ANO1: variants seen among roughly 807,000 people sequenced by gnomAD.
ANO1 encodes anoctamin-1.
In ANO1, 59 loss-of-function variants were observed where a neutral mutation model predicts 124.0. The ratio of observed to expected loss-of-function variants is 0.48; its 90% confidence interval spans 0.39 to 0.59. The LOEUF (loss-of-function observed/expected upper bound fraction) is 0.59, where lower values mean the gene tolerates loss of function less well. Ranked by LOEUF, ANO1 falls within the 20% of genes least tolerant of loss-of-function variation. The pLI is 0.00. For missense variants in ANO1, 1,059 were observed against 1,328.0 expected (o/e 0.80, Z 3.15); for synonymous variants, 529 against 532.0 (o/e 0.99, Z 0.08).
chr11:70,100,841 T>G (rs2045238455), intron 2 of ANO1, among the ~76,000 whole-genome samples: 1 of 152,190 alleles, frequency 6.6e-6, no homozygotes, highest in South Asian at 2.1e-4. Flanking sequence ...ACTATTACTA[T>G]TACTGTATTA....
chr11:70,167,221 G>C, intron 20 of ANO1, 21 bp from the exon 21 acceptor site: 1 of 1,613,374 alleles, frequency 6.2e-7, no homozygotes, highest in South Asian at 1.1e-5. Context: ...AAACCTAACT[G>C]CATGATGTCT....
At chr11:70,126,845 G>A (rs2046535282) in intron 10 of ANO1, among the ~76,000 whole-genome samples, 1 of 149,162 alleles carries the variant, frequency 6.7e-6, no homozygotes, top group Non-Finnish European at 1.5e-5. Flanking sequence ...GGTGAGACGT[G>A]AACGCTAGAG....
At chr11:69,982,049 C>T (rs1357742919), upstream of ANO1, among the ~76,000 whole-genome samples, 2 of 152,150 alleles carry the variant, frequency 1.3e-5, no homozygotes, top group African/African-American at 4.8e-5. Context: ...TGGGGAGTGA[C>T]TGCTAGCGGG....
chr11:69,988,132 T>G (rs1856084794), intron 1 of ANO1, among the ~76,000 whole-genome samples: 1 of 152,180 alleles, frequency 6.6e-6, no homozygotes, highest in Non-Finnish European at 1.5e-5. Flanking sequence ...CACGCCACTT[T>G]CGCTCTGTCC....
chr11:70,115,191 G>C (rs1226254443), intron 7 of ANO1, among the ~76,000 whole-genome samples: 1 of 152,076 alleles, frequency 6.6e-6, no homozygotes, highest in African/African-American at 2.4e-5. Context: ...TTGCTTGCTT[G>C]AGTGTGTGGT....
chr11:70,082,498 T>C (rs767251074), intron 1 of ANO1, among the ~76,000 whole-genome samples: 16 of 152,220 alleles, frequency 1.1e-4, no homozygotes, highest in Admixed American at 4.6e-4. Context: ...AGGTGGAGGT[T>C]GCAGTGAGCC....
At chr11:70,133,183 T>C (rs961531839) in intron 11 of ANO1, among the ~76,000 whole-genome samples, 9 of 152,154 alleles carry the variant, frequency 5.9e-5, no homozygotes, top group Admixed American at 1.3e-4. Context: ...AAATGTGGAC[T>C]GAAAAGGCAA....
In ANO1 at chr11:70,188,575, C is replaced by T. The variant is rs1311302956; in HGVS notation, c.*571C>T. ...AGTGGCTGAGAGAGAAGTGCCTCAT[C>T]CCTGAGCCACACAGGGGGCGTGGGA... On this transcript the variant is annotated 3_prime_UTR_variant, in exon 26 of 26. Transcript: ENST00000355303. 1 of 154,186 alleles carries T rather than the reference C, an allele frequency of 6.5e-6. No homozygotes were observed. Among genetic ancestry groups the T allele is most frequent in the African/African-American group, 2.4e-5 (1 of 41,444 alleles). The allele number at this position is 154,186 out of a possible 1,614,324, so 9.6% of individuals were successfully genotyped here.
chr11:70,109,838 C>T (rs970245176), intron 6 of ANO1, among the ~76,000 whole-genome samples: 4 of 152,140 alleles, frequency 2.6e-5, no homozygotes, highest in African/African-American at 4.8e-5. Flanking sequence ...GTGTTCCCAC[C>T]GGTTTTGTGG....
chr11:70,085,292 C>T lies in ANO1; in HGVS notation c.109-2460C>T, dbSNP rs541922223. Reference sequence around the variant, plus strand: ...GGGCTGGGCATGGGAACCCACTGCCCTCAAAAGCCAGCCCTCCCCCACCCT... The same window carrying T: ...GGGCTGGGCATGGGAACCCACTGCCTTCAAAAGCCAGCCCTCCCCCACCCT... On this transcript the variant is annotated intron_variant, in intron 1 of 25. Transcript: ENST00000355303. The T allele has an allele frequency of 2.0e-4, 259 of 1,289,624 alleles. 2 individuals carry two copies. In the East Asian group the frequency reaches 6.6e-3, roughly 33 times the overall value. 79.9% of individuals were successfully genotyped at this position (1,289,624 alleles called of 1,614,324 possible). A position where few individuals can be genotyped will look rare whatever the true frequency, so the allele number is the denominator to read the frequency against.
chr11:70,045,134 AAAGAAAATGTGGCAAAGCATCAAC>A (rs574038968), intron 1 of ANO1, among the ~76,000 whole-genome samples: 61 of 152,370 alleles, frequency 4.0e-4, no homozygotes, highest in African/African-American at 1.3e-3. Context: ...ACAAACTGAT[AAAGAAAATGTGGCAAAGCATCAAC>A]AGCTAGTGAA....
Position 70,085,723 on chromosome 11 carries a change from C to G in ANO1, c.109-2029C>G, listed in dbSNP as rs887763250. 1.0e-5 allele frequency: 15 copies of G among 1,431,714 alleles called. No individual in the cohort carries two copies. In the South Asian group the frequency reaches 2.1e-4, roughly 20 times the overall value. 88.7% of individuals were successfully genotyped at this position (1,431,714 alleles called of 1,614,324 possible). A position where few individuals can be genotyped will look rare whatever the true frequency, so the allele number is the denominator to read the frequency against. On this transcript the variant is annotated intron_variant, in intron 1 of 25. Transcript: ENST00000355303. ...GGCCCAGAGCCTCCTCTCTCCTTCC[C>G]CTACAACTAAAAAGGACAGCCTCCA...
chr11:70,114,173 C>T (rs2045891956), intron 7 of ANO1, among the ~76,000 whole-genome samples: 1 of 152,226 alleles, frequency 6.6e-6, no homozygotes, highest in Admixed American at 6.5e-5. Context: ...GGGTCTGTTC[C>T]CACCTTAAAG....
chr11:70,148,785 G>C (rs2047476582), intron 11 of ANO1, among the ~76,000 whole-genome samples: 1 of 152,196 alleles, frequency 6.6e-6, no homozygotes, highest in Non-Finnish European at 1.5e-5. Flanking sequence ...CTGGGAACTG[G>C]GGGCCCAGGG....
At chr11:70,082,834 C>T (rs571650268) in intron 1 of ANO1, among the ~76,000 whole-genome samples, 2 of 152,332 alleles carry the variant, frequency 1.3e-5, no homozygotes, top group Admixed American at 6.5e-5. Context: ...GCATTCACCT[C>T]CCGACTCTCT....
intron 24 of ANO1, among the ~76,000 whole-genome samples, chr11:70,184,561 C>G (rs2049037380): frequency 6.6e-6 from 1 of 152,190 alleles, no homozygotes; most frequent in Admixed American, 6.5e-5. Flanking sequence ...GACCAAGCAG[C>G]AACCCTGGAG....
At chr11:70,031,347 T>C (rs1305956064) in intron 1 of ANO1, among the ~76,000 whole-genome samples, 1 of 152,190 alleles carries the variant, frequency 6.6e-6, no homozygotes, top group African/African-American at 2.4e-5. Flanking sequence ...GGGTGAGACA[T>C]TTGAAACATT....
intron 1 of ANO1, among the ~76,000 whole-genome samples, chr11:70,045,361 G>T (rs1285771820): frequency 2.0e-5 from 3 of 152,170 alleles, no homozygotes; most frequent in Admixed American, 6.5e-5. Flanking sequence ...AAACTGCCAT[G>T]ATGCCCTAGA....
At chr11:70,067,950 C>T (rs1857772651) in intron 1 of ANO1, among the ~76,000 whole-genome samples, 2 of 152,220 alleles carry the variant, frequency 1.3e-5, no homozygotes, top group African/African-American at 4.8e-5. Context: ...ATCAGCCTCA[C>T]ACCTGCGGGT....
Sources: gnomAD v4.1 joint callset for allele counts (sites outside exome capture counted in the v4.1 genomes callset) on GRCh38, gnomAD v4.1.1 for gene constraint, MANE v1.5 for transcripts, NCBI Gene and HGNC (gene_info 2026-07-23, HGNC 2026-07-21) for gene names.